PCDHGA3: variants seen among roughly 807,000 people sequenced by gnomAD.
PCDHGA3 encodes protocadherin gamma subfamily A, 3.
PCDHGA3 carries 40 observed loss-of-function variants against 58.5 expected under a neutral mutation model. That is an observed-to-expected ratio of 0.68 (90% CI 0.53 to 0.89). The LOEUF is 0.89. Ranked by LOEUF, PCDHGA3 falls within the 40% of genes least tolerant of loss-of-function variation. PCDHGA3 has a pLI of 0.00. For synonymous variants in PCDHGA3, 530 were observed against 525.7 expected, an observed-to-expected ratio of 1.01 and a Z score of -0.11; for missense variants, 1,223 against 1,195.9, an observed-to-expected ratio of 1.02 and a Z score of -0.33.
In PCDHGA3 at chr5:141,490,304, T is replaced by G. The variant is rs2099698490; in HGVS notation, c.2425-4503T>G. On this transcript the variant is annotated intron_variant, in intron 1 of 3. Coordinates refer to ENST00000253812, the MANE Select transcript of PCDHGA3 (RefSeq NM_018916.4). This position sits in a 1 kb window ranked among gnomAD's most constrained non-coding sequence, Gnocchi z 5.4. ...GCCCCAGAGGTGCTATTGGCCTCTT[T>G]GGCCAACCCTGTCCTAGAGAGCACA... 1.2e-6 allele frequency: 2 copies of G among 1,614,026 alleles called. No homozygotes were observed. The highest frequency in any genetic ancestry group is 1.7e-5 in the Admixed American group (1 of 60,010).
rs141514361 is a variant in PCDHGA3, at chr5:141,494,629, A to G, written c.2425-178A>G. 4,666 of 858,664 alleles carry G rather than the reference A, an allele frequency of 5.4e-3. 23 individuals are homozygous for G. Among genetic ancestry groups the G allele is most frequent in the Admixed American group, 0.011 (170 of 16,094 alleles). 53.2% of individuals were successfully genotyped at this position (858,664 alleles called of 1,614,324 possible). On this transcript the variant is annotated intron_variant, in intron 1 of 3. Coordinates refer to ENST00000253812, the MANE Select transcript of PCDHGA3 (RefSeq NM_018916.4). ...TATCTCTTGGTTTCTGGTACCTCAGACCTCTGAGACCTGAGGTGTATTTTG... is the reference window on the plus strand; with the variant it reads ...TATCTCTTGGTTTCTGGTACCTCAGGCCTCTGAGACCTGAGGTGTATTTTG...
At chr5:141,412,367 A>C (rs1055060515) in intron 1 of PCDHGA3, 3 of 152,264 alleles carry the variant, frequency 2.0e-5, no homozygotes, top group Admixed American at 6.5e-5. Flanking sequence ...TTACCTGCTT[A>C]ATCATTTAAA....
intron 1 of PCDHGA3, chr5:141,415,045 G>C: frequency 6.2e-7 from 1 of 1,613,538 alleles, no homozygotes; most frequent in Non-Finnish European, 8.5e-7. Flanking sequence ...CTTCGCGGTG[G>C]GGGAGCACAC....
At position 141,393,382 on chromosome 5, in the gene PCDHGA3, T is replaced by G. The variant is rs778957877; in HGVS notation, c.2424+46925T>G. ...GTGCAGACTGGAGACAATGGAGCCA[T>G]AAACCCAGAGCTGGTGCTGGAGCGC... On this transcript the variant is annotated intron_variant, in intron 1 of 3. Coordinates refer to ENST00000253812, the MANE Select transcript of PCDHGA3 (RefSeq NM_018916.4). The G allele has an allele frequency of 1.9e-6, 3 of 1,613,948 alleles. No individual in the cohort carries two copies. In the South Asian group the frequency reaches 3.3e-5, roughly 18 times the overall value.
chr5:141,410,699 A>G (rs760193148), intron 1 of PCDHGA3: 1 of 1,478,344 alleles, frequency 6.8e-7, no homozygotes, highest in East Asian at 2.3e-5. Flanking sequence ...CTTTATTTTC[A>G]TATCTAGAAT....
chr5:141,371,458 A>G, intron 1 of PCDHGA3: 2 of 1,613,996 alleles, frequency 1.2e-6, no homozygotes. Flanking sequence ...GAATCCCAAC[A>G]TATACAAGAA....
intron 1 of PCDHGA3, chr5:141,404,432 GATACC>G: frequency 6.2e-7 from 1 of 1,613,380 alleles, no homozygotes; most frequent in African/African-American, 1.3e-5. Context: ...CTTGGCAGAG[GATACC>G]ATCCAAGGGT....
intron 1 of PCDHGA3, chr5:141,387,841 C>T: frequency 2.5e-6 from 4 of 1,597,678 alleles, no homozygotes; most frequent in Non-Finnish European, 3.4e-6. Flanking sequence ...TATTTGTAAC[C>T]CGGCGTCTCC....
intron 1 of PCDHGA3, chr5:141,375,538 C>T: frequency 6.2e-7 from 1 of 1,614,018 alleles, no homozygotes; most frequent in Non-Finnish European, 8.5e-7. Context: ...ACCAGAACGC[C>T]CAAGTCTCCT....
At chr5:141,350,263 G>A (rs751867233) in intron 1 of PCDHGA3, 3 of 1,510,376 alleles carry the variant, frequency 2.0e-6, no homozygotes, top group African/African-American at 2.8e-5. Flanking sequence ...TTCCTGAAAT[G>A]CAGAGAGCCA....
intron 1 of PCDHGA3, among the ~76,000 whole-genome samples, chr5:141,438,614 A>G (rs1208036297): frequency 5.8e-5 from 2 of 34,396 alleles, no homozygotes. Context: ...ATATATATAT[A>G]TATATATATA....
rs540852016 is a variant in PCDHGA3, at chr5:141,351,570, A to G, written c.2424+5113A>G. ...TCCTCCAGGACAAGCATCACCCTGC[A>G]CATCTCCGACATCAACGACAATGCA... is the stretch of plus-strand genomic sequence containing the variant. On this transcript the variant is annotated intron_variant, in intron 1 of 3. Coordinates refer to ENST00000253812, the MANE Select transcript of PCDHGA3 (RefSeq NM_018916.4). 1.6e-5 allele frequency: 26 copies of G among 1,614,046 alleles called. No homozygotes were observed. The East Asian group carries it at 5.3e-4, about 33-fold the overall frequency.
intron 1 of PCDHGA3, chr5:141,418,385 G>A (rs759618059): frequency 8.7e-6 from 14 of 1,613,930 alleles, no homozygotes; most frequent in Admixed American, 1.7e-5. Flanking sequence ...AAGTCCTAAC[G>A]AGTATTTCTC....
intron 1 of PCDHGA3, chr5:141,372,039 C>T (rs757866605): frequency 1.2e-6 from 2 of 1,613,468 alleles, no homozygotes; most frequent in Non-Finnish European, 1.7e-6. Flanking sequence ...CGTGAGCCTG[C>T]GCGTGTTGGT....
chr5:141,415,690 G>C (rs1218128531), intron 1 of PCDHGA3: 4 of 1,512,972 alleles, frequency 2.6e-6, no homozygotes, highest in Non-Finnish European at 3.6e-6. Context: ...CATGATGGTG[G>C]AAAGTGTAAA....
intron 1 of PCDHGA3, among the ~76,000 whole-genome samples, chr5:141,448,706 C>T (rs1344013319): frequency 1.3e-5 from 2 of 151,730 alleles, no homozygotes; most frequent in African/African-American, 2.4e-5. Flanking sequence ...TTTGGGAGGC[C>T]GAGGCGGGAG....
chr5:141,390,429 T>C lies in PCDHGA3; in HGVS notation c.2424+43972T>C, dbSNP rs2092145009. On this transcript the variant is annotated intron_variant, in intron 1 of 3. Transcript: ENST00000253812. ...GTTGTAGTCAGTTAAAAAGCTGTCA[T>C]ATCATTCTACAAAGGAGGAGTAAAG... The C allele has an allele frequency of 6.0e-6, 6 of 1,008,304 alleles. No homozygotes were observed. The South Asian group carries it at 6.8e-5, about 11-fold the overall frequency. The allele number at this position is 1,008,304 out of a possible 1,614,324, so 62.5% of individuals were successfully genotyped here. A position where few individuals can be genotyped will look rare whatever the true frequency, so the allele number is the denominator to read the frequency against.
intron 1 of PCDHGA3, chr5:141,396,033 C>T (rs191318626): frequency 1.3e-5 from 2 of 152,280 alleles, no homozygotes; most frequent in East Asian, 3.9e-4. Context: ...TATGTAAGAA[C>T]ATATTTCAAT....
chr5:141,422,088 CA>C (rs1235447839), intron 1 of PCDHGA3: 2 of 1,611,912 alleles, frequency 1.2e-6, no homozygotes, highest in Non-Finnish European at 1.7e-6. Flanking sequence ...ACATGGAAAG[CA>C]AGGCTTCTGA....
Sources: gnomAD v4.1 joint callset for allele counts (sites outside exome capture counted in the v4.1 genomes callset) on GRCh38, gnomAD v4.1.1 for gene constraint, Gnocchi (gnomAD v3.1) non-coding constraint, MANE v1.5 for transcripts, NCBI Gene and HGNC (gene_info 2026-07-23, HGNC 2026-07-21) for gene names.